Variants in PLEKHH2 observed in about 807,000 individuals in gnomAD.
PLEKHH2 encodes pleckstrin homology domain-containing family H member 2.
A neutral mutation model predicts 187.9 loss-of-function variants in PLEKHH2; 129 were observed. The observed-to-expected ratio is 0.69, with a 90% confidence interval of 0.59 to 0.79. The LOEUF is 0.79. Ranked by LOEUF, PLEKHH2 falls within the 30% of genes least tolerant of loss-of-function variation. The probability of loss-of-function intolerance (pLI) is 0.00; values close to 1 mark genes in which losing one functional copy is unlikely to be tolerated. For missense variants in PLEKHH2, 2,076 were observed against 1,751.2 expected (o/e 1.19, Z -3.31); for synonymous variants, 686 against 605.6 (o/e 1.13, Z -1.95).
At chr2:43,648,319 G>A (rs59793559) in intron 2 of PLEKHH2, among the ~76,000 whole-genome samples, 1,694 of 152,020 alleles carry the variant, frequency 0.011, 35 homozygotes, top group African/African-American at 0.039. Flanking sequence ...CTAATGAGTA[G>A]CTGGGACTAC....
In PLEKHH2 at chr2:43,710,104, C is replaced by A. The variant is rs756885776; in HGVS notation, c.2081C>A (p.Ser694Tyr). The change falls in exon 12 of 30, where the codon TCT becomes TAT. Residue 694 changes from serine to tyrosine, a missense_variant. Coordinates refer to ENST00000282406, the MANE Select transcript of PLEKHH2 (RefSeq NM_172069.4). ...CAGAAGCTCCCAAAAACTTGCTCAT[C>A]TTCCAGTGATAATGGGAAAAATGTA... ...PEQKLPKTCS[S>Y]SSDNGKNEPL... The A allele has an allele frequency of 6.2e-7, 1 of 1,612,970 alleles. No individual in the cohort carries two copies. Among genetic ancestry groups the A allele is most frequent in the Non-Finnish European group, 8.5e-7 (1 of 1,179,686 alleles).
chr2:43,711,996 G>C, intron 14 of PLEKHH2: 1 of 1,250,678 alleles, frequency 8.0e-7, no homozygotes, highest in Non-Finnish European at 1.0e-6. Flanking sequence ...CCAAAATTAG[G>C]TAAACTGGAG....
chr2:43,747,321 G>A (rs949436635), intron 24 of PLEKHH2, among the ~76,000 whole-genome samples: 22 of 152,008 alleles, frequency 1.4e-4, no homozygotes, highest in Non-Finnish European at 2.7e-4. Context: ...TGAAGAGAGA[G>A]AGAGGTACTG....
chr2:43,660,159 G>A (rs1022262263), intron 2 of PLEKHH2, among the ~76,000 whole-genome samples: 9 of 151,976 alleles, frequency 5.9e-5, no homozygotes, highest in Middle Eastern at 3.2e-3. Context: ...TTAGTGAATG[G>A]CCTCTATCGT....
Position 43,767,427 on chromosome 2 carries a change from T to A in PLEKHH2, c.*1829T>A, listed in dbSNP as rs1191435738. 1.3e-5 allele frequency: 2 copies of A among 152,360 alleles called. No homozygotes were observed. Among genetic ancestry groups the A allele is most frequent in the African/African-American group, 4.8e-5 (2 of 41,462 alleles). 9.4% of individuals were successfully genotyped at this position (152,360 alleles called of 1,614,324 possible). ...CAAAAAGAATATTTTTTAAACCCCA[T>A]CAAAATAGATTTCAATTGACTGTTT... On this transcript the variant is annotated 3_prime_UTR_variant, in exon 30 of 30. Transcript: ENST00000282406.
chr2:43,721,913 C>G (rs975378989), intron 16 of PLEKHH2, among the ~76,000 whole-genome samples: 4 of 151,662 alleles, frequency 2.6e-5, no homozygotes, highest in Non-Finnish European at 4.4e-5. Context: ...CAAACAATCT[C>G]TGAAGTAGTG....
At chr2:43,672,696 A>T (rs1191387706) in intron 2 of PLEKHH2, among the ~76,000 whole-genome samples, 1 of 152,216 alleles carries the variant, frequency 6.6e-6, no homozygotes, top group East Asian at 1.9e-4. Flanking sequence ...AGGGAGCAGA[A>T]TTATCTTTGA....
At chr2:43,692,829 T>C (rs914647417) in intron 4 of PLEKHH2, among the ~76,000 whole-genome samples, 166 bp downstream of exon 4, 3 of 152,204 alleles carry the variant, frequency 2.0e-5, no homozygotes, top group Non-Finnish European at 4.4e-5. Context: ...GCAAGTAAAA[T>C]GGCATTCCTT....
At chr2:43,660,173 G>C (rs181912930) in intron 2 of PLEKHH2, among the ~76,000 whole-genome samples, 2 of 152,000 alleles carry the variant, frequency 1.3e-5, no homozygotes, top group Admixed American at 1.3e-4. Flanking sequence ...CTATCGTTTA[G>C]AATGCTTTTG....
intron 10 of PLEKHH2, 37 bp downstream of exon 10, chr2:43,706,453 T>C: frequency 7.3e-7 from 1 of 1,373,248 alleles, no homozygotes; most frequent in South Asian, 1.2e-5. Flanking sequence ...CATGTGCTTC[T>C]CTTCATGATG....
chr2:43,710,416 T>G, intron 13 of PLEKHH2, 73 bp from the exon 14 acceptor site: 2 of 1,581,236 alleles, frequency 1.3e-6, no homozygotes, highest in Non-Finnish European at 1.7e-6. Flanking sequence ...ATAATGCAAG[T>G]AATGATACAA....
At chr2:43,687,580 G>A (rs757152871) in intron 3 of PLEKHH2, among the ~76,000 whole-genome samples, 1 of 152,082 alleles carries the variant, frequency 6.6e-6, no homozygotes, top group Non-Finnish European at 1.5e-5. Context: ...TTTTATAGTG[G>A]CTGAACTAAT....
chr2:43,671,045 G>C (rs545702601), intron 2 of PLEKHH2, among the ~76,000 whole-genome samples: 1 of 150,882 alleles, frequency 6.6e-6, no homozygotes, highest in African/African-American at 2.4e-5. Flanking sequence ...AGTGTGATGC[G>C]TAATCTCGGC....
intron 14 of PLEKHH2, chr2:43,711,267 A>G (rs759235919): frequency 6.1e-6 from 6 of 985,338 alleles, no homozygotes; most frequent in Non-Finnish European, 7.2e-6. Context: ...AAGGTACATT[A>G]TCAATGTTTC....
chr2:43,736,210 A>G (rs1050877159), intron 19 of PLEKHH2, among the ~76,000 whole-genome samples: 1 of 152,210 alleles, frequency 6.6e-6, no homozygotes, highest in Non-Finnish European at 1.5e-5. Flanking sequence ...ATTTGATAAG[A>G]TAGTGAGAGG....
At chr2:43,717,459 G>A (rs897586506) in intron 15 of PLEKHH2, among the ~76,000 whole-genome samples, 5 of 152,076 alleles carry the variant, frequency 3.3e-5, no homozygotes, top group Admixed American at 6.6e-5. Context: ...CCCAAGAATA[G>A]GAGTGTGGTA....
intron 3 of PLEKHH2, chr2:43,692,226 C>T (rs1276339712): frequency 1.4e-5 from 3 of 207,958 alleles, no homozygotes; most frequent in Admixed American, 5.8e-5. Flanking sequence ...TTTCTATACT[C>T]ATATAAACAC....
chr2:43,684,581 T>C (rs1256195254), intron 3 of PLEKHH2, among the ~76,000 whole-genome samples: 1 of 151,758 alleles, frequency 6.6e-6, no homozygotes, highest in African/African-American at 2.4e-5. Context: ...TCTTATGAGA[T>C]CCAGTGAGGA....
chr2:43,657,217 G>C (rs1046160648), intron 2 of PLEKHH2, among the ~76,000 whole-genome samples: 3 of 152,160 alleles, frequency 2.0e-5, no homozygotes, highest in African/African-American at 7.2e-5. Flanking sequence ...AGCTGGGTCT[G>C]GATATCCAAG....
Sources: allele counts gnomAD v4.1 joint callset (sites outside exome capture counted in the v4.1 genomes callset), GRCh38; gene constraint gnomAD v4.1.1; transcripts MANE v1.5; gene names NCBI Gene and HGNC (gene_info 2026-07-23, HGNC 2026-07-21).